Variants in NAA38 observed in about 807,000 individuals in gnomAD.
The protein encoded by NAA38 is LSM domain containing 1.
A neutral mutation model predicts 12.6 loss-of-function variants in NAA38; 15 were observed. The observed-to-expected ratio is 1.19, with a 90% confidence interval of 0.79 to 1.83. The LOEUF (loss-of-function observed/expected upper bound fraction) is 1.83. NAA38 is among the 40% of genes most tolerant of loss of function. The pLI, the probability that NAA38 is intolerant of heterozygous loss-of-function variation, is 0.00. For synonymous variants in NAA38, 88 were observed against 69.9 expected (o/e 1.26, Z -1.29); for missense variants, 183 against 171.7 (o/e 1.07, Z -0.37).
chr17:7,858,617 C>T (rs552115182), upstream of NAA38: 17 of 1,605,158 alleles, frequency 1.1e-5, no homozygotes, highest in Middle Eastern at 1.7e-4. Context: ...TCCGCAAGCA[C>T]ATAGATCCGC....
At chr17:7,858,037 C>G, upstream of NAA38, 1 of 1,552,052 alleles carries the variant, frequency 6.4e-7, no homozygotes, top group Non-Finnish European at 8.7e-7. Flanking sequence ...ACGCTCTCCC[C>G]TCGGCTCCCG....
upstream of NAA38, chr17:7,858,711 G>C (rs2078856448): frequency 1.2e-6 from 2 of 1,610,616 alleles, no homozygotes; most frequent in South Asian, 1.1e-5. Flanking sequence ...CTGGGCCAAC[G>C]ATTTTGGGAA....
At chr17:7,866,424 A>G (rs1966984333) in intron 3 of NAA38, 1 of 1,209,620 alleles carries the variant, frequency 8.3e-7, no homozygotes, top group Non-Finnish European at 1.0e-6. Flanking sequence ...GGGAACTTTT[A>G]AAGTTCCCAT....
In NAA38 at chr17:7,881,800, A is replaced by C. The variant is rs543480548; in HGVS notation, c.-66+1435T>G. 4.0e-5 allele frequency among the ~76,000 whole-genome samples: 6 copies of C among 151,084 alleles called. No individual in the cohort carries two copies. The East Asian group carries it at 1.2e-3, about 30-fold the overall frequency. On this transcript the variant is annotated intron_variant, in intron 2 of 4. Coordinates refer to the NAA38 transcript ENST00000576861. The stretch of plus-strand genomic sequence containing the variant: ...GGGCCTGGAAGGTAGACAAACCGAG[A>C]GATGCAGGCTAAAAAAGTGATAGAG...
chr17:7,858,049 A>ACG, upstream of NAA38: 2 of 1,561,832 alleles, frequency 1.3e-6, no homozygotes, highest in Non-Finnish European at 1.7e-6. Flanking sequence ...CGGCTCCCGG[A>ACG]CGCGACGGAG....
upstream of NAA38, chr17:7,859,287 G>A: frequency 1.0e-6 from 1 of 955,980 alleles, no homozygotes; most frequent in South Asian, 1.5e-5. Flanking sequence ...AGTACCTGAA[G>A]CTGCTATCTG....
chr17:7,875,621 G>A (rs1280874761), intron 2 of NAA38, among the ~76,000 whole-genome samples: 1 of 152,200 alleles, frequency 6.6e-6, no homozygotes, highest in Non-Finnish European at 1.5e-5. Flanking sequence ...ACAGGTGTGA[G>A]TCACTGTATT....
rs775372148 is a variant in NAA38, at chr17:7,856,829, C to A, written c.280G>T (p.Gly94Trp). 1.2e-6 allele frequency: 2 copies of A among 1,613,756 alleles called. No homozygotes were observed. Among genetic ancestry groups the A allele is most frequent in the Non-Finnish European group, 1.7e-6 (2 of 1,179,982 alleles). Residue 94 changes from glycine to tryptophan, a missense_variant, in exon 3 of 3, where the codon GGG becomes TGG. Coordinates refer to ENST00000575771, the MANE Select transcript of NAA38 (RefSeq NM_001320925.4). ...FLKPSDSFSA[G>W]EPRVLGLAMV... ...GCCAGGCCCAGCACACGGGGCTCCC[C>A]GGCAGAGAAGGAATCTGGAAAGAAG...
intron 1 of NAA38, chr17:7,884,896 G>A: frequency 1.9e-6 from 2 of 1,051,656 alleles, no homozygotes; most frequent in Admixed American, 2.9e-5. Context: ...AGGGCGACGA[G>A]GAGGAGGAGG....
chr17:7,870,480 A>C (rs532522027), intron 2 of NAA38, among the ~76,000 whole-genome samples: 3 of 152,232 alleles, frequency 2.0e-5, no homozygotes, highest in East Asian at 1.9e-4. Flanking sequence ...AAAAACAAAA[A>C]ATCTTTTAAT....
At chr17:7,859,377 T>C, upstream of NAA38, 3 of 1,613,152 alleles carry the variant, frequency 1.9e-6, no homozygotes, top group Non-Finnish European at 2.5e-6. Context: ...TTCTGTGTTC[T>C]CCAGGTGGGG....
upstream of NAA38, chr17:7,859,685 T>C: frequency 2.1e-6 from 3 of 1,429,022 alleles, no homozygotes; most frequent in Non-Finnish European, 2.9e-6. Flanking sequence ...TGAGGAAAAG[T>C]GGTGGGGCCG....
At chr17:7,870,504 T>G (rs1168190608) in intron 2 of NAA38, among the ~76,000 whole-genome samples, 12 of 152,208 alleles carry the variant, frequency 7.9e-5, no homozygotes, top group Non-Finnish European at 8.8e-5. Context: ...AAAGATATAT[T>G]GCAGTATTTG....
intron 2 of NAA38, among the ~76,000 whole-genome samples, chr17:7,867,483 C>A (rs918042426): frequency 2.6e-5 from 4 of 152,034 alleles, no homozygotes; most frequent in African/African-American, 9.7e-5. Context: ...GGATTACAGG[C>A]GTGCACCACC....
chr17:7,872,517 C>T (rs1422688499), intron 2 of NAA38, among the ~76,000 whole-genome samples: 1 of 152,222 alleles, frequency 6.6e-6, no homozygotes, highest in Non-Finnish European at 1.5e-5. Flanking sequence ...CATGCGCCAC[C>T]ACGCCCGGCT....
At chr17:7,858,013 A>G, upstream of NAA38, 1 of 1,525,078 alleles carries the variant, frequency 6.6e-7, no homozygotes, top group Non-Finnish European at 8.8e-7. Context: ...AATGGTTTCC[A>G]TGTCAGCGGA....
chr17:7,857,618 C>T, upstream of NAA38: 5 of 1,362,476 alleles, frequency 3.7e-6, no homozygotes, highest in Non-Finnish European at 4.7e-6. Flanking sequence ...ATCTCGCGAG[C>T]TTCTCCTACT....
At chr17:7,858,777 A>G, upstream of NAA38, 1 of 1,583,906 alleles carries the variant, frequency 6.3e-7, no homozygotes, top group Non-Finnish European at 8.6e-7. Flanking sequence ...CAAGACCCGG[A>G]GCATCCGCAT....
chr17:7,860,590 C>T (rs1319430133), upstream of NAA38: 1 of 152,174 alleles, frequency 6.6e-6, no homozygotes, highest in Non-Finnish European at 1.5e-5. Flanking sequence ...TATAAAGGGA[C>T]CATCTCAATG....
Sources: allele counts gnomAD v4.1 joint callset (sites outside exome capture counted in the v4.1 genomes callset), GRCh38; gene constraint gnomAD v4.1.1; transcripts MANE v1.5; gene names NCBI Gene and HGNC (gene_info 2026-07-23, HGNC 2026-07-21).